RUNX2: variants seen among roughly 807,000 people sequenced by gnomAD.
RUNX2 encodes the protein runt-related transcription factor 2.
In RUNX2, 10 loss-of-function variants were observed where a neutral mutation model predicts 51.7. That is an observed-to-expected ratio of 0.19 (90% CI 0.12 to 0.33). The LOEUF (loss-of-function observed/expected upper bound fraction) is 0.33. RUNX2 is among the 10% of genes least tolerant of loss of function. The pLI is 1.00. For missense variants in RUNX2, 562 were observed against 691.3 expected, an observed-to-expected ratio of 0.81 and a Z score of 2.10; for synonymous variants, 276 against 273.6, an observed-to-expected ratio of 1.01 and a Z score of -0.09.
At chr6:45,378,020 G>C (rs933532251) in intron 2 of RUNX2, 38 of 152,022 alleles carry the variant, frequency 2.5e-4, no homozygotes, top group African/African-American at 8.9e-4. Flanking sequence ...TAAGCGATAC[G>C]GACGCCCCCC....
At chr6:45,508,506 G>T (rs112636624) in intron 6 of RUNX2, among the ~76,000 whole-genome samples, 1,763 of 152,214 alleles carry the variant, frequency 0.012, 39 homozygotes, top group African/African-American at 0.04. Context: ...GGGATTACAG[G>T]TGTGAGCCAC....
chr6:45,502,094 A>C (rs1800813891), intron 6 of RUNX2, among the ~76,000 whole-genome samples: 2 of 152,174 alleles, frequency 1.3e-5, no homozygotes, highest in Admixed American at 6.5e-5. Flanking sequence ...ACTTAATCTA[A>C]GGAAAAACTT....
intron 2 of RUNX2, among the ~76,000 whole-genome samples, chr6:45,413,689 A>G (rs1798003130): frequency 6.6e-6 from 1 of 152,124 alleles, no homozygotes; most frequent in African/African-American, 2.4e-5. Flanking sequence ...TTGGCCTCCC[A>G]AAGTACTGGG....
intron 2 of RUNX2, among the ~76,000 whole-genome samples, chr6:45,392,793 T>C (rs1163372562): frequency 1.3e-5 from 2 of 152,158 alleles, no homozygotes; most frequent in Non-Finnish European, 2.9e-5. Flanking sequence ...TTTTGGAAAA[T>C]TCTCAGCCAT....
At chr6:45,386,464 G>C (rs1345688835) in intron 2 of RUNX2, among the ~76,000 whole-genome samples, 1 of 152,180 alleles carries the variant, frequency 6.6e-6, no homozygotes, top group African/African-American at 2.4e-5. Context: ...TTGTAGCAGA[G>C]ACACAATTAG....
At chr6:45,456,617 C>T (rs1030430972) in intron 5 of RUNX2, among the ~76,000 whole-genome samples, 1 of 152,190 alleles carries the variant, frequency 6.6e-6, no homozygotes, top group African/African-American at 2.4e-5. Context: ...TCTAAGCATG[C>T]TTTGAGGGTC....
intron 5 of RUNX2, among the ~76,000 whole-genome samples, chr6:45,477,652 C>T (rs958065272): frequency 2.6e-5 from 4 of 152,196 alleles, no homozygotes; most frequent in Non-Finnish European, 5.9e-5. Flanking sequence ...CTCACATTCA[C>T]TCCCTCAAAT....
chr6:45,439,235 T>C (rs1169364786), intron 5 of RUNX2, among the ~76,000 whole-genome samples: 1 of 152,218 alleles, frequency 6.6e-6, no homozygotes, highest in African/African-American at 2.4e-5. Flanking sequence ...TTTCTTCTCC[T>C]TTCATGTGTG....
intron 3 of RUNX2, among the ~76,000 whole-genome samples, chr6:45,429,747 A>G (rs1798486523): frequency 6.6e-6 from 1 of 152,126 alleles, no homozygotes; most frequent in Non-Finnish European, 1.5e-5. Flanking sequence ...AGCCCCACAG[A>G]CTTCTGTCTC....
chr6:45,437,925 T>C, intron 4 of RUNX2, 22 bp from the exon 5 acceptor site: 1 of 1,529,552 alleles, frequency 6.5e-7, no homozygotes, highest in Admixed American at 1.7e-5. Context: ...TCACTGTATA[T>C]TTTCCCCTTT....
rs551520039 is a variant in RUNX2, at chr6:45,357,517, G to A, written c.58+28733G>A. Among the ~76,000 whole-genome samples the A allele has an allele frequency of 9.2e-5, 14 of 152,000 alleles. No individual in the cohort carries two copies. In the South Asian group the frequency reaches 1.5e-3, roughly 16 times the overall value. ...TAATTTTATTTTCTGTAGAGACAGC[G>A]TCTCAAGTATGTTGCCCGGGCTAGT... On this transcript the variant is annotated intron_variant, in intron 2 of 8. Coordinates refer to ENST00000647337, the MANE Select transcript of RUNX2 (RefSeq NM_001024630.4).
intron 7 of RUNX2, among the ~76,000 whole-genome samples, chr6:45,536,228 G>C (rs553320989): frequency 1.3e-5 from 2 of 152,038 alleles, no homozygotes; most frequent in African/African-American, 4.8e-5. Flanking sequence ...CCCCTCCCAG[G>C]GCATGGTCAG....
At chr6:45,365,320 T>C (rs1177154343) in intron 2 of RUNX2, 2 of 1,555,712 alleles carry the variant, frequency 1.3e-6, no homozygotes, top group Admixed American at 3.4e-5. Context: ...AAAGGAGAAA[T>C]AAAGCTTACA....
intron 4 of RUNX2, among the ~76,000 whole-genome samples, chr6:45,433,799 C>T (rs924989402): frequency 6.6e-6 from 1 of 152,106 alleles, no homozygotes; most frequent in Admixed American, 6.5e-5. Flanking sequence ...AAAAAAAAGA[C>T]AGACTTAACT....
intron 2 of RUNX2, among the ~76,000 whole-genome samples, chr6:45,390,989 ACAAAATAT>A: frequency 6.6e-6 from 1 of 152,334 alleles, no homozygotes. Flanking sequence ...TTATTTATTT[ACAAAATAT>A]GAATGAAGCG....
chr6:45,404,347 C>T (rs1797789168), intron 2 of RUNX2, among the ~76,000 whole-genome samples: 1 of 150,160 alleles, frequency 6.7e-6, no homozygotes, highest in Non-Finnish European at 1.5e-5. Context: ...TAAGAATCTG[C>T]AAGTGCAAAG....
At chr6:45,517,737 C>A (rs1801376550) in intron 7 of RUNX2, among the ~76,000 whole-genome samples, 1 of 152,104 alleles carries the variant, frequency 6.6e-6, no homozygotes, top group Non-Finnish European at 1.5e-5. Context: ...GGAGAATAAG[C>A]ATTAGTTTAA....
At chr6:45,464,663 A>C (rs1046739434) in intron 5 of RUNX2, among the ~76,000 whole-genome samples, 4 of 152,148 alleles carry the variant, frequency 2.6e-5, no homozygotes, top group African/African-American at 9.7e-5. Flanking sequence ...AAAACAAAGG[A>C]ATTTCCTCTT....
intron 5 of RUNX2, among the ~76,000 whole-genome samples, chr6:45,466,855 A>G (rs1799648362): frequency 1.3e-5 from 2 of 152,354 alleles, no homozygotes; most frequent in South Asian, 4.1e-4. Context: ...TTCGACAGAT[A>G]AGAAACTGAC....
Sources: allele counts gnomAD v4.1 joint callset (sites outside exome capture counted in the v4.1 genomes callset), GRCh38; gene constraint gnomAD v4.1.1; transcripts MANE v1.5; gene names NCBI Gene and HGNC (gene_info 2026-07-23, HGNC 2026-07-21).